Variants in PPFIA1 observed in about 807,000 individuals in gnomAD.
The protein encoded by PPFIA1 is liprin-alpha-1.
In PPFIA1, 25 loss-of-function variants were observed where a neutral mutation model predicts 149.9. That is an observed-to-expected ratio of 0.17 (90% CI 0.12 to 0.23). The LOEUF (loss-of-function observed/expected upper bound fraction) is 0.23. PPFIA1 is among the 10% of genes least tolerant of loss of function. PPFIA1 has a pLI of 1.00. For missense variants in PPFIA1, 1,362 were observed against 1,506.5 expected, an observed-to-expected ratio of 0.90 and a Z score of 1.59; for synonymous variants, 549 against 552.8, an observed-to-expected ratio of 0.99 and a Z score of 0.10.
chr11:70,355,341 C>T (rs1478657322), intron 17 of PPFIA1, among the ~76,000 whole-genome samples: 1 of 152,060 alleles, frequency 6.6e-6, no homozygotes, highest in African/African-American at 2.4e-5. Context: ...ATGCTCAGGG[C>T]GGTTGTGGGA....
chr11:70,296,359 G>A (rs1244989914), intron 2 of PPFIA1, among the ~76,000 whole-genome samples: 1 of 152,058 alleles, frequency 6.6e-6, no homozygotes, highest in Non-Finnish European at 1.5e-5. Flanking sequence ...GTAGCGAGCC[G>A]AGATCACGCC....
rs191159071 is a variant in PPFIA1 at position 70,345,778 on chromosome 11, G to C, written c.1931+1886G>C. On this transcript the variant is annotated intron_variant, in intron 15 of 27. Transcript: ENST00000253925. The stretch of plus-strand genomic sequence containing the variant: ...GGAGTTCGAGGCTGCAGCGAGCTGT[G>C]ATCATGCTGCTGCCCTCCAGCCAGG... 1.9e-5 allele frequency: 4 copies of C among 207,192 alleles called. No homozygotes were observed. The Admixed American group carries it at 2.1e-4, about 11-fold the overall frequency. 12.8% of individuals were successfully genotyped at this position (207,192 alleles called of 1,614,324 possible).
chr11:70,310,999 C>A (rs917734358), intron 2 of PPFIA1, among the ~76,000 whole-genome samples: 3 of 152,170 alleles, frequency 2.0e-5, no homozygotes, highest in African/African-American at 7.2e-5. Context: ...AGGCCGTGAG[C>A]ACCCAGGAAG....
chr11:70,346,347 G>A (rs554406825), intron 15 of PPFIA1, among the ~76,000 whole-genome samples: 1 of 152,286 alleles, frequency 6.6e-6, no homozygotes, highest in African/African-American at 2.4e-5. Flanking sequence ...GTGGGTGGAG[G>A]TGCCAGTCCT....
intron 16 of PPFIA1, 145 bp from the exon 17 acceptor site, chr11:70,354,156 A>T: frequency 1.2e-6 from 1 of 843,388 alleles, no homozygotes; most frequent in Non-Finnish European, 1.8e-6. Flanking sequence ...GTGGCCCTTC[A>T]GAATGGTGCC....
At chr11:70,340,136 TAAAAAAA>T (rs564811432) in intron 14 of PPFIA1, among the ~76,000 whole-genome samples, 1 of 138,738 alleles carries the variant, frequency 7.2e-6, no homozygotes, top group Non-Finnish European at 1.6e-5. Flanking sequence ...CTGTCTCTAT[TAAAAAAA>T]AAAAAAAGAA....
chr11:70,369,031 C>T (rs1035792373), intron 21 of PPFIA1, among the ~76,000 whole-genome samples: 2 of 151,878 alleles, frequency 1.3e-5, no homozygotes, highest in Admixed American at 6.6e-5. Flanking sequence ...CTCAAGTGAC[C>T]CGCCCACCTC....
At chr11:70,335,235 G>A (rs1239361699) in intron 10 of PPFIA1, among the ~76,000 whole-genome samples, 14 of 152,128 alleles carry the variant, frequency 9.2e-5, no homozygotes, top group African/African-American at 2.2e-4. Context: ...CTCTACCAGC[G>A]TGGAGACAGG....
intron 2 of PPFIA1, among the ~76,000 whole-genome samples, chr11:70,317,216 A>G (rs1012038419): frequency 2.0e-5 from 3 of 152,180 alleles, no homozygotes; most frequent in African/African-American, 7.2e-5. Flanking sequence ...CTGATGTAAT[A>G]AGGTAGATCA....
At chr11:70,368,689 G>C (rs1307358392) in intron 21 of PPFIA1, among the ~76,000 whole-genome samples, 1 of 152,174 alleles carries the variant, frequency 6.6e-6, no homozygotes, top group African/African-American at 2.4e-5. Context: ...TAGAAATATA[G>C]TTCATTTTTA....
Position 70,354,432 on chromosome 11 carries a change from G to A in PPFIA1, c.2295G>A (p.Glu765=), listed in dbSNP as rs1279212315. The A allele has an allele frequency of 6.2e-7, 1 of 1,613,624 alleles. No homozygotes were observed. The highest frequency in any genetic ancestry group is 8.5e-7 in the Non-Finnish European group (1 of 1,179,924). The change falls in exon 17 of 28, where the codon GAG becomes GAA. Residue 765 remains glutamate, a synonymous_variant. Coordinates refer to ENST00000253925, the MANE Select transcript of PPFIA1 (RefSeq NM_003626.5). ...HKGALHTVSH[E]DIRDIRNSTG... is the part of the protein sequence containing the mutation. The stretch of plus-strand genomic sequence containing the variant: ...GGGCGCTGCACACCGTCAGCCACGA[G>A]GACATCAGGGACATAAGGAAGTAAG...
intron 21 of PPFIA1, chr11:70,365,216 T>G: frequency 3.5e-6 from 1 of 289,272 alleles, no homozygotes; most frequent in Non-Finnish European, 7.0e-6. Context: ...TAACAGGGAA[T>G]GGTTATTCTG....
At chr11:70,299,488 G>C (rs948800946) in intron 2 of PPFIA1, among the ~76,000 whole-genome samples, 1 of 152,080 alleles carries the variant, frequency 6.6e-6, no homozygotes, top group Non-Finnish European at 1.5e-5. Context: ...TACTGTTCTC[G>C]GACAGTTACT....
At chr11:70,277,844 T>G (rs1268915261) in intron 2 of PPFIA1, among the ~76,000 whole-genome samples, 1 of 152,122 alleles carries the variant, frequency 6.6e-6, no homozygotes, top group Non-Finnish European at 1.5e-5. Context: ...TTCATATCTG[T>G]GGATAATGAA....
rs1215188807 is a variant in PPFIA1 at position 70,343,848 on chromosome 11, CATG to C, written c.1891_1893del (p.Met631del). On this transcript the variant is annotated inframe_deletion, in exon 15 of 28. Coordinates refer to ENST00000253925, the MANE Select transcript of PPFIA1 (RefSeq NM_003626.5). The stretch of plus-strand genomic sequence containing the variant: ...GGCAGGCCGACGCGCACACACTAGC[CATG>C]ATGCTTCAGGAGCAGCTGGACGCCA... 6.2e-7 allele frequency: 1 copy of C among 1,613,990 alleles called. No individual in the cohort carries two copies. The highest frequency in any genetic ancestry group is 1.7e-5 in the Admixed American group (1 of 60,008).
rs138338075 is a variant in PPFIA1, at chr11:70,343,759, G to T, written c.1798G>T (p.Val600Leu). 1.2e-6 allele frequency: 2 copies of T among 1,614,240 alleles called. No individual in the cohort carries two copies. The highest frequency in any genetic ancestry group is 2.2e-5 in the East Asian group (1 of 44,878). ...ACAAGCATTCGAGAGTGATGCTGAC[G>T]TGTCTGATGGTGAAGATGACAGGGA... Reference protein sequence around the residue: ...VAQAFESDADVSDGEDDRDTL... With the variant: ...VAQAFESDADLSDGEDDRDTL... The change falls in exon 15 of 28, where the codon GTG becomes TTG. Residue 600 changes from valine to leucine, a missense_variant. Physicochemically the swap from Val to Leu is conservative, Grantham distance 32. Around this residue, in one of 7 missense-constraint regions of PPFIA1, gnomAD observed 733 missense variants for 744.1 expected, o/e 0.99. Transcript: ENST00000253925.
At chr11:70,354,161 G>A in intron 16 of PPFIA1, 140 bp from the exon 17 acceptor site, 1 of 869,594 alleles carries the variant, frequency 1.1e-6, no homozygotes, top group South Asian at 1.8e-5. Context: ...CCTTCAGAAT[G>A]GTGCCAGACT....
intron 2 of PPFIA1, among the ~76,000 whole-genome samples, chr11:70,315,914 C>T (rs1201849456): frequency 6.6e-6 from 1 of 151,978 alleles, no homozygotes; most frequent in African/African-American, 2.4e-5. Flanking sequence ...ACCTACCATT[C>T]TATTTTCTAT....
In PPFIA1 at chr11:70,326,349, A is replaced by G. The variant is rs1479875408; in HGVS notation, c.694A>G (p.Ser232Gly). 6.2e-7 allele frequency: 1 copy of G among 1,600,948 alleles called. No individual in the cohort carries two copies. Among genetic ancestry groups the G allele is most frequent in the East Asian group, 2.2e-5 (1 of 44,638 alleles). ...DINHEQENTP[S>G]TSGKRSSDGS... Reference sequence around the variant, plus strand: ...AAACCATGAACAAGAAAATACACCAAGCACGAGTGGAAAGGCAAGTCTGTA... The same window carrying G: ...AAACCATGAACAAGAAAATACACCAGGCACGAGTGGAAAGGCAAGTCTGTA... The change falls in exon 6 of 28, where the codon AGC becomes GGC. Residue 232 changes from serine (S) to glycine (G), a missense_variant. By Grantham distance (56) the Ser-to-Gly change is moderately conservative (BLOSUM62 0). This residue lies in a region of PPFIA1 where 733 missense variants were observed against 744.1 expected (regional missense o/e 0.99). Coordinates refer to ENST00000253925, the MANE Select transcript of PPFIA1 (RefSeq NM_003626.5).
Sources: gnomAD v4.1 joint callset for allele counts (sites outside exome capture counted in the v4.1 genomes callset) on GRCh38, gnomAD v4.1.1 for gene constraint, gnomAD v4.1.1 regional missense constraint, MANE v1.5 for transcripts, NCBI Gene and HGNC (gene_info 2026-07-23, HGNC 2026-07-21) for gene names.